OTUD7A: variants seen among roughly 807,000 people sequenced by gnomAD.
OTUD7A encodes the protein OTU deubiquitinase 7A, also known as OTU domain-containing protein 7A.
Under a neutral mutation model 65.7 loss-of-function variants are expected in OTUD7A, and 12 were observed. The observed-to-expected ratio is 0.18, with a 90% CI of 0.12 to 0.30. The LOEUF (loss-of-function observed/expected upper bound fraction) is 0.30, where lower values mean the gene tolerates loss of function less well. Ranked by LOEUF, OTUD7A falls within the 10% of genes least tolerant of loss-of-function variation. OTUD7A has a pLI of 1.00. For synonymous variants in OTUD7A, 641 were observed against 586.3 expected, an observed-to-expected ratio of 1.09 and a Z score of -1.35; for missense variants, 1,148 against 1,304.8, an observed-to-expected ratio of 0.88 and a Z score of 1.85.
intron 1 of OTUD7A, among the ~76,000 whole-genome samples, chr15:31,772,209 G>A (rs1895255898): frequency 1.4e-5 from 2 of 140,008 alleles, no homozygotes; most frequent in Non-Finnish European, 3.0e-5. Flanking sequence ...CCGAGATCCC[G>A]CCACTGCACT....
At chr15:31,852,656 T>C (rs1897460063) in intron 1 of OTUD7A, among the ~76,000 whole-genome samples, 1 of 152,204 alleles carries the variant, frequency 6.6e-6, no homozygotes, top group African/African-American at 2.4e-5. Flanking sequence ...AGTGGCCAAC[T>C]GGCCAATTCT....
At chr15:31,537,661 T>C (rs1216058891) in intron 5 of OTUD7A, among the ~76,000 whole-genome samples, 1 of 152,168 alleles carries the variant, frequency 6.6e-6, no homozygotes, top group Non-Finnish European at 1.5e-5. Flanking sequence ...TAAAACTGGG[T>C]TGCCACAGAG....
chr15:31,765,911 T>C, intron 1 of OTUD7A: 1 of 1,275,814 alleles, frequency 7.8e-7, no homozygotes, highest in Non-Finnish European at 1.1e-6. Context: ...TTTTCTCCTT[T>C]AGAGGTAAAG....
intron 1 of OTUD7A, among the ~76,000 whole-genome samples, chr15:31,858,806 A>G (rs571211864): frequency 2.6e-5 from 4 of 152,278 alleles, no homozygotes; most frequent in Admixed American, 2.6e-4. Context: ...TCAGCCTCTC[A>G]CAGACGTCAC....
At chr15:31,780,922 G>A (rs1030242134) in intron 1 of OTUD7A, among the ~76,000 whole-genome samples, 1 of 152,202 alleles carries the variant, frequency 6.6e-6, no homozygotes, top group Non-Finnish European at 1.5e-5. Context: ...GTGACTGTAG[G>A]TACAAATATT....
intron 1 of OTUD7A, among the ~76,000 whole-genome samples, chr15:31,816,071 G>A (rs1162431075): frequency 6.6e-6 from 1 of 152,184 alleles, no homozygotes; most frequent in African/African-American, 2.4e-5. Flanking sequence ...AAAAACCACT[G>A]AACGAGTGAA....
At chr15:31,662,723 G>C (rs1892199844) in intron 1 of OTUD7A, among the ~76,000 whole-genome samples, 1 of 152,182 alleles carries the variant, frequency 6.6e-6, no homozygotes, top group African/African-American at 2.4e-5. Flanking sequence ...TTCTTGGACA[G>C]CTAAGAAATA....
intron 3 of OTUD7A, among the ~76,000 whole-genome samples, chr15:31,581,074 G>T (rs1465468461): frequency 6.6e-6 from 1 of 152,130 alleles, no homozygotes; most frequent in Non-Finnish European, 1.5e-5. Flanking sequence ...TACATGCAAT[G>T]GGTAAACACT....
Position 31,487,809 on chromosome 15 carries a change from C to T in OTUD7A, c.1172-243G>A, listed in dbSNP as rs547104416. On this transcript the variant is annotated intron_variant, in intron 10 of 12. Transcript: ENST00000307050. This position sits in a 1 kb window ranked among gnomAD's most constrained non-coding sequence, Gnocchi z 6.0. ...GACCCTGGCTCTCTTTGGGTCTGTC[C>T]AATGGCAGATACTCCATTGGGCAGC... Among the ~76,000 whole-genome samples, 9 of 152,196 alleles carry T rather than the reference C, an allele frequency of 5.9e-5. No homozygotes were observed. Among genetic ancestry groups the T allele is most frequent in the Non-Finnish European group, 1.3e-4 (9 of 68,034 alleles).
intron 1 of OTUD7A, among the ~76,000 whole-genome samples, chr15:31,806,897 C>A (rs907446955): frequency 6.6e-6 from 1 of 152,188 alleles, no homozygotes; most frequent in African/African-American, 2.4e-5. Context: ...GGGATGAAGG[C>A]AGCAGACACA....
chr15:31,484,258 C>T lies in OTUD7A; in HGVS notation c.1838G>A (p.Gly613Glu), dbSNP rs953664378. 1.8e-5 allele frequency: 28 copies of T among 1,596,670 alleles called. No homozygotes were observed. Among genetic ancestry groups the T allele is most frequent in the Non-Finnish European group, 2.3e-5 (27 of 1,174,578 alleles). The change falls in exon 13 of 13, where the codon GGG becomes GAG. Residue 613 changes from glycine (G) to glutamate (E), a missense_variant. By Grantham distance (98) the Gly-to-Glu change is moderately conservative. This residue lies in a region of OTUD7A where 842 missense variants were observed against 769.5 expected (regional missense o/e 1.09). Transcript: ENST00000307050. The surrounding 1 kb of genome is among the most constrained non-coding windows in gnomAD (Gnocchi z 4.5). ...GTACTTCCAGGCGTCGCCCCGCGGC[C>T]CACCGCCCTTCTCCGCCGGCGACGC... ...AGASPAEKGG[G>E]PRGDAWKYST...
intron 1 of OTUD7A, among the ~76,000 whole-genome samples, chr15:31,751,827 T>C (rs988304240): frequency 6.6e-6 from 1 of 152,142 alleles, no homozygotes; most frequent in Non-Finnish European, 1.5e-5. Context: ...AAATATTGTA[T>C]GTGAGAGCTA....
At chr15:31,502,626 G>A (rs1050781786) in intron 9 of OTUD7A, among the ~76,000 whole-genome samples, 16 of 152,200 alleles carry the variant, frequency 1.1e-4, no homozygotes, top group African/African-American at 3.4e-4. Context: ...ACTGAGAGGC[G>A]ACAGGGTGGG....
rs755289219 is a variant in OTUD7A, at chr15:31,479,810, A to T, written c.*3484T>A. The T allele has an allele frequency of 6.6e-6, 1 of 152,160 alleles. No individual in the cohort carries two copies. The highest frequency in any genetic ancestry group is 1.5e-5 in the Non-Finnish European group (1 of 68,030). The allele number at this position is 152,160 out of a possible 1,614,324, so 9.4% of individuals were successfully genotyped here. A position where few individuals can be genotyped will look rare whatever the true frequency, so the allele number is the denominator to read the frequency against. On this transcript the variant is annotated 3_prime_UTR_variant, in exon 13 of 13. Coordinates refer to ENST00000307050, the MANE Select transcript of OTUD7A (RefSeq NM_001382637.1). ...CCAATTCTTGACAGTAAGCTACGAGAAGTAGTAAATTAAATCATTTGGGAA... is the reference window on the plus strand; with the variant it reads ...CCAATTCTTGACAGTAAGCTACGAGTAGTAGTAAATTAAATCATTTGGGAA...
intron 1 of OTUD7A, among the ~76,000 whole-genome samples, chr15:31,779,959 C>T (rs1210057195): frequency 2.6e-5 from 4 of 152,084 alleles, no homozygotes; most frequent in Non-Finnish European, 4.4e-5. Context: ...CTTCTCAGTG[C>T]ACCCCAGAAG....
chr15:31,534,142 A>T (rs527963862), intron 5 of OTUD7A, among the ~76,000 whole-genome samples: 1 of 152,352 alleles, frequency 6.6e-6, no homozygotes, highest in African/African-American at 2.4e-5. Flanking sequence ...GTGCAGAGTA[A>T]CATCTCTCAT....
chr15:31,741,671 C>A (rs1363667402), intron 1 of OTUD7A, among the ~76,000 whole-genome samples: 1 of 151,688 alleles, frequency 6.6e-6, no homozygotes, highest in Non-Finnish European at 1.5e-5. Context: ...TAGTAAGAGA[C>A]AATAAAAGCC....
At chr15:31,639,549 T>C (rs1005832010) in intron 3 of OTUD7A, among the ~76,000 whole-genome samples, 2 of 150,452 alleles carry the variant, frequency 1.3e-5, no homozygotes, top group African/African-American at 2.5e-5. Context: ...ATTTGCTGGA[T>C]TGTACACTAG....
chr15:31,569,645 G>A (rs964902235), intron 4 of OTUD7A, among the ~76,000 whole-genome samples: 1 of 152,166 alleles, frequency 6.6e-6, no homozygotes, highest in Non-Finnish European at 1.5e-5. Context: ...AAGATGGAGC[G>A]CATGGGACAA....
Sources: gnomAD v4.1 joint callset for allele counts (sites outside exome capture counted in the v4.1 genomes callset) on GRCh38, gnomAD v4.1.1 for gene constraint, gnomAD v4.1.1 regional missense constraint, Gnocchi (gnomAD v3.1) non-coding constraint, MANE v1.5 for transcripts, NCBI Gene and HGNC (gene_info 2026-07-23, HGNC 2026-07-21) for gene names.